Variants in DAB1 observed in about 807,000 individuals in gnomAD.
DAB1 encodes disabled homolog 1.
A neutral mutation model predicts 64.6 loss-of-function variants in DAB1; 15 were observed. The ratio of observed to expected loss-of-function variants is 0.23; its 90% CI spans 0.16 to 0.36. The LOEUF (loss-of-function observed/expected upper bound fraction) is 0.36. Among genes scored for constraint, DAB1 ranks in the 10% least tolerant of loss-of-function variants. The pLI is 1.00. For missense variants in DAB1, 596 were observed against 706.7 expected (o/e 0.84, Z 1.78); for synonymous variants, 235 against 251.9 (o/e 0.93, Z 0.64).
At chr1:58,108,895 G>A (rs918050103) in intron 5 of DAB1, among the ~76,000 whole-genome samples, 4 of 152,178 alleles carry the variant, frequency 2.6e-5, no homozygotes, top group African/African-American at 9.7e-5. Context: ...AGAGAGAGGT[G>A]TCTTTTGGGG....
chr1:57,178,819 A>G (rs1483365309), intron 2 of DAB1, among the ~76,000 whole-genome samples: 2 of 152,188 alleles, frequency 1.3e-5, no homozygotes, highest in African/African-American at 4.8e-5. Context: ...ACAATCACAT[A>G]TATAATGCAC....
intron 5 of DAB1, among the ~76,000 whole-genome samples, chr1:58,088,490 G>A (rs1650452906): frequency 1.3e-5 from 2 of 152,064 alleles, no homozygotes; most frequent in Admixed American, 6.6e-5. Flanking sequence ...CTTTAATTTT[G>A]GGGAAATAGC....
At chr1:58,182,064 G>C (rs1656823648) in intron 4 of DAB1, among the ~76,000 whole-genome samples, 1 of 151,976 alleles carries the variant, frequency 6.6e-6, no homozygotes, top group South Asian at 2.1e-4. Context: ...AGAATTCTTG[G>C]TTGATAGGTT....
chr1:57,468,557 GT>G (rs1217543703), intron 7 of DAB1, among the ~76,000 whole-genome samples: 2 of 152,220 alleles, frequency 1.3e-5, no homozygotes, highest in African/African-American at 4.8e-5. Flanking sequence ...AATCTTATAG[GT>G]CTGGTGGCTC....
intron 5 of DAB1, chr1:58,049,394 C>G: frequency 4.0e-6 from 2 of 501,090 alleles, no homozygotes; most frequent in Non-Finnish European, 7.2e-6. Flanking sequence ...TATTTTTGCA[C>G]TTCTTTCCGA....
At chr1:57,890,069 G>A (rs1347812732) in intron 5 of DAB1, among the ~76,000 whole-genome samples, 3 of 152,226 alleles carry the variant, frequency 2.0e-5, no homozygotes, top group South Asian at 2.1e-4. Flanking sequence ...TGGAGCCCAC[G>A]GTCGAGTGGG....
intron 7 of DAB1, among the ~76,000 whole-genome samples, chr1:57,466,613 G>A (rs1443235240): frequency 1.3e-5 from 2 of 152,216 alleles, no homozygotes; most frequent in East Asian, 1.9e-4. Context: ...AGTCTGAGCA[G>A]ACCAGACTAA....
chr1:57,913,271 G>A (rs1229712750), intron 5 of DAB1, among the ~76,000 whole-genome samples: 3 of 152,048 alleles, frequency 2.0e-5, no homozygotes, highest in Non-Finnish European at 4.4e-5. Context: ...ACAGAACAGA[G>A]CCCTCAGAAA....
chr1:58,126,223 G>C (rs1653070160), intron 5 of DAB1, among the ~76,000 whole-genome samples: 1 of 152,112 alleles, frequency 6.6e-6, no homozygotes, highest in South Asian at 2.1e-4. Context: ...TGCTTAACCA[G>C]AGCCAAGATT....
chr1:57,243,493 G>A (rs12064662), intron 2 of DAB1, among the ~76,000 whole-genome samples: 1,567 of 152,092 alleles, frequency 0.01, 26 homozygotes, highest in African/African-American at 0.035. Context: ...GTGTATGCAC[G>A]TGTGTGTGCT....
At chr1:57,496,138 A>G (rs1220993887) in intron 7 of DAB1, among the ~76,000 whole-genome samples, 1 of 152,228 alleles carries the variant, frequency 6.6e-6, no homozygotes, top group East Asian at 1.9e-4. Context: ...TAATACTGAA[A>G]TACAAATATC....
At chr1:57,492,787 C>CT (rs1276197466) in intron 7 of DAB1, among the ~76,000 whole-genome samples, 1 of 152,170 alleles carries the variant, frequency 6.6e-6, no homozygotes, top group East Asian at 1.9e-4. Context: ...TCACAAATGA[C>CT]TTTTTGCATC....
intron 4 of DAB1, among the ~76,000 whole-genome samples, chr1:58,284,514 A>C (rs549944878): frequency 6.6e-6 from 1 of 152,386 alleles, no homozygotes; most frequent in African/African-American, 2.4e-5. Context: ...TCTGGAAGGA[A>C]GGCAATGCAT....
intron 7 of DAB1, among the ~76,000 whole-genome samples, chr1:57,481,199 GC>G (rs1490049099): frequency 3.3e-5 from 5 of 152,292 alleles, no homozygotes; most frequent in Admixed American, 3.3e-4. Flanking sequence ...GGAAATGGGA[GC>G]CAAGCATCAG....
At chr1:58,289,048 T>C (rs1661756048) in intron 4 of DAB1, among the ~76,000 whole-genome samples, 1 of 152,232 alleles carries the variant, frequency 6.6e-6, no homozygotes, top group South Asian at 2.1e-4. Flanking sequence ...CTATGGTCTC[T>C]CTAGAGCTTT....
chr1:58,372,665 T>A (rs1644276301), intron 3 of DAB1, among the ~76,000 whole-genome samples: 1 of 152,168 alleles, frequency 6.6e-6, no homozygotes, highest in South Asian at 2.1e-4. Context: ...CAAATTGTAA[T>A]CCCCACATGC....
intron 2 of DAB1, among the ~76,000 whole-genome samples, chr1:57,207,766 C>G (rs1487451161): frequency 1.3e-5 from 2 of 152,248 alleles, no homozygotes; most frequent in African/African-American, 4.8e-5. Context: ...TCAAAGAGAA[C>G]TCAACTGCCT....
intron 6 of DAB1, among the ~76,000 whole-genome samples, chr1:57,725,151 C>T (rs901115750): frequency 6.6e-6 from 1 of 152,206 alleles, no homozygotes; most frequent in African/African-American, 2.4e-5. Context: ...TAGTTTCCCT[C>T]AACTTGGGAA....
chr1:57,502,177 CG>C (rs1007854661), intron 7 of DAB1, among the ~76,000 whole-genome samples: 1 of 151,652 alleles, frequency 6.6e-6, no homozygotes, highest in African/African-American at 2.4e-5. Context: ...AAAAATTAGC[CG>C]GTGTGGTGGC....
Sources: gnomAD v4.1 joint callset for allele counts (sites outside exome capture counted in the v4.1 genomes callset) on GRCh38, gnomAD v4.1.1 for gene constraint, MANE v1.5 for transcripts, NCBI Gene and HGNC (gene_info 2026-07-23, HGNC 2026-07-21) for gene names.